SPOCK1: variants seen among roughly 807,000 people sequenced by gnomAD.
The protein encoded by SPOCK1 is testican-1.
Under a neutral mutation model 55.3 loss-of-function variants are expected in SPOCK1, and 23 were observed. That is an observed-to-expected ratio of 0.42 (90% CI 0.30 to 0.59). The LOEUF (loss-of-function observed/expected upper bound fraction) is 0.59, where lower values mean the gene tolerates loss of function less well. SPOCK1 is among the 20% of genes least tolerant of loss of function. SPOCK1 has a pLI of 0.22. For synonymous variants in SPOCK1, 226 were observed against 221.0 expected (o/e 1.02, Z -0.20); for missense variants, 499 against 552.5 (o/e 0.90, Z 0.97).
At chr5:137,046,170 A>C (rs1580723725) in intron 6 of SPOCK1, among the ~76,000 whole-genome samples, 1 of 91,722 alleles carries the variant, frequency 1.1e-5, no homozygotes, top group South Asian at 5.3e-4. Flanking sequence ...AGTTTTTTCC[A>C]ATTCTGTGAA....
intron 2 of SPOCK1, among the ~76,000 whole-genome samples, chr5:137,342,534 G>C (rs1178224608): frequency 6.6e-6 from 1 of 152,166 alleles, no homozygotes; most frequent in African/African-American, 2.4e-5. Flanking sequence ...ACCCATTCAG[G>C]AGCAAATAAA....
At position 137,269,900 on chromosome 5, in the gene SPOCK1, G is replaced by T. The variant is rs567579425; in HGVS notation, c.187-2845C>A. On this transcript the variant is annotated intron_variant, in intron 2 of 10. Coordinates refer to ENST00000394945, the MANE Select transcript of SPOCK1 (RefSeq NM_004598.4). ...TTCACCAGGGCCTAAGACTCAGGTG[G>T]CAGAGCCAGGCTTTTAAAAAAAAAA... is the stretch of plus-strand genomic sequence containing the variant. Among the ~76,000 whole-genome samples the T allele has an allele frequency of 4.9e-4, 75 of 152,148 alleles. 2 individuals carry two copies. Among genetic ancestry groups the T allele is most frequent in the Admixed American group, 2.4e-3 (36 of 15,296 alleles).
intron 3 of SPOCK1, among the ~76,000 whole-genome samples, chr5:137,239,247 T>C (rs1258104205): frequency 1.3e-5 from 2 of 152,208 alleles, no homozygotes; most frequent in Admixed American, 1.3e-4. Context: ...TCTGAGGTGG[T>C]GAATGCATCC....
At chr5:137,155,559 G>A (rs188393832) in intron 3 of SPOCK1, among the ~76,000 whole-genome samples, 2 of 152,190 alleles carry the variant, frequency 1.3e-5, no homozygotes, top group Non-Finnish European at 2.9e-5. Context: ...GATGAAATAC[G>A]GGGATACCCT....
rs563024598 is a variant in SPOCK1 at position 137,355,437 on chromosome 5, C to T, written c.187-88382G>A. ...CACTTGGCCTCAAGTGATCCTCCCA[C>T]CTCAGCTTTCCAAAGTGCTGGGATT... On this transcript the variant is annotated intron_variant, in intron 2 of 10. Transcript: ENST00000394945. 1.2e-4 allele frequency among the ~76,000 whole-genome samples: 18 copies of T among 152,302 alleles called. No homozygotes were observed. The East Asian group carries it at 3.5e-3, about 29-fold the overall frequency.
intron 2 of SPOCK1, among the ~76,000 whole-genome samples, chr5:137,434,655 A>T (rs1260556766): frequency 2.0e-5 from 3 of 149,294 alleles, no homozygotes; most frequent in African/African-American, 7.3e-5. Flanking sequence ...GCCCGCCACC[A>T]CGCCCAGCTA....
intron 2 of SPOCK1, among the ~76,000 whole-genome samples, chr5:137,338,024 T>A (rs1005427849): frequency 8.5e-5 from 13 of 152,096 alleles, no homozygotes; most frequent in Non-Finnish European, 1.3e-4. Context: ...GTATTATTTT[T>A]TTATTATTAT....
chr5:137,279,809 C>A (rs1757135363), intron 2 of SPOCK1, among the ~76,000 whole-genome samples: 1 of 152,228 alleles, frequency 6.6e-6, no homozygotes, highest in Non-Finnish European at 1.5e-5. Flanking sequence ...CACACCCTGG[C>A]CCTTCCAATC....
chr5:137,074,458 A>G (rs1307749583), intron 5 of SPOCK1, among the ~76,000 whole-genome samples: 1 of 152,204 alleles, frequency 6.6e-6, no homozygotes, highest in Non-Finnish European at 1.5e-5. Flanking sequence ...GTACGTATGT[A>G]TATACAGAAA....
intron 2 of SPOCK1, among the ~76,000 whole-genome samples, chr5:137,476,522 C>A (rs1390659611): frequency 1.3e-5 from 2 of 152,112 alleles, no homozygotes; most frequent in Non-Finnish European, 2.9e-5. Context: ...AGGGAGGGGA[C>A]CTTAACATTT....
At position 137,124,060 on chromosome 5, in the gene SPOCK1, G is replaced by A. The variant is rs188247347; in HGVS notation, c.348-11499C>T. Among the ~76,000 whole-genome samples the A allele has an allele frequency of 3.9e-5, 6 of 152,092 alleles. No homozygotes were observed. The East Asian group carries it at 7.8e-4, about 20-fold the overall frequency. ...ATGCAAAGGATTTGGAACCACCACCGAAGAACTGTAGGTAATCACAGAGCC... is the reference window on the plus strand; with the variant it reads ...ATGCAAAGGATTTGGAACCACCACCAAAGAACTGTAGGTAATCACAGAGCC... On this transcript the variant is annotated intron_variant, in intron 4 of 10. Transcript: ENST00000394945.
At chr5:137,297,743 T>C (rs1757516435) in intron 2 of SPOCK1, among the ~76,000 whole-genome samples, 1 of 151,936 alleles carries the variant, frequency 6.6e-6, no homozygotes, top group Admixed American at 6.6e-5. Flanking sequence ...AGACCAAGGA[T>C]TGTCAGAAGT....
chr5:137,187,687 C>T (rs1013549536), intron 3 of SPOCK1, among the ~76,000 whole-genome samples: 1 of 152,140 alleles, frequency 6.6e-6, no homozygotes, highest in Non-Finnish European at 1.5e-5. Flanking sequence ...TAGGCATGCT[C>T]CTGGTGGCTG....
chr5:137,068,874 C>A (rs556016079), intron 5 of SPOCK1, among the ~76,000 whole-genome samples: 1 of 152,286 alleles, frequency 6.6e-6, no homozygotes, highest in African/African-American at 2.4e-5. Flanking sequence ...TTCTCAAGAT[C>A]AAGACCGGTG....
At chr5:137,147,721 T>C (rs754540764) in intron 3 of SPOCK1, among the ~76,000 whole-genome samples, 12 of 152,188 alleles carry the variant, frequency 7.9e-5, no homozygotes, top group Non-Finnish European at 1.5e-4. Flanking sequence ...ATCCTAGGAA[T>C]TGGAGCTTCA....
In SPOCK1 at chr5:137,179,766, C is replaced by T. The variant is rs531500380; in HGVS notation, c.233-39072G>A. Among the ~76,000 whole-genome samples, 3 of 152,246 alleles carry T rather than the reference C, an allele frequency of 2.0e-5. No homozygotes were observed. The East Asian group carries it at 5.8e-4, about 29-fold the overall frequency. ...CCAGTCATGAGACTTGGGGCAGTCCCCTGACTTCACTTAAAACAAAAATGG... is the reference window on the plus strand; with the variant it reads ...CCAGTCATGAGACTTGGGGCAGTCCTCTGACTTCACTTAAAACAAAAATGG... On this transcript the variant is annotated intron_variant, in intron 3 of 10. Coordinates refer to ENST00000394945, the MANE Select transcript of SPOCK1 (RefSeq NM_004598.4).
At chr5:137,409,666 C>T (rs1261046355) in intron 2 of SPOCK1, among the ~76,000 whole-genome samples, 1 of 152,122 alleles carries the variant, frequency 6.6e-6, no homozygotes. Context: ...GTAAGAGGCA[C>T]ATGGCAGCTG....
intron 6 of SPOCK1, among the ~76,000 whole-genome samples, chr5:137,014,109 G>A (rs975495765): frequency 6.6e-6 from 1 of 152,100 alleles, no homozygotes; most frequent in African/African-American, 2.4e-5. Context: ...TCATGATATT[G>A]ACTTCTTGCA....
intron 4 of SPOCK1, among the ~76,000 whole-genome samples, chr5:137,121,950 T>TTTTA (rs1561617154): frequency 6.9e-6 from 1 of 145,566 alleles, no homozygotes; most frequent in African/African-American, 2.5e-5. Context: ...TTATATATGA[T>TTTTA]TATATATATA....
Sources: allele counts gnomAD v4.1 joint callset (sites outside exome capture counted in the v4.1 genomes callset), GRCh38; gene constraint gnomAD v4.1.1; transcripts MANE v1.5; gene names NCBI Gene and HGNC (gene_info 2026-07-23, HGNC 2026-07-21).